Variants in CUX1 observed in about 807,000 individuals in gnomAD.
CUX1 encodes protein CASP.
CUX1 carries 31 observed loss-of-function variants against 158.8 expected under a neutral mutation model. The observed-to-expected ratio is 0.20, with a 90% confidence interval of 0.15 to 0.26. CUX1 has a LOEUF of 0.26. Among genes scored for constraint, CUX1 ranks in the 10% least tolerant of loss-of-function variants. CUX1 has a pLI of 1.00. For synonymous variants in CUX1, 879 were observed against 862.1 expected, an observed-to-expected ratio of 1.02 and a Z score of -0.34; for missense variants, 1,589 against 2,014.6, an observed-to-expected ratio of 0.79 and a Z score of 4.04.
intron 1 of CUX1, among the ~76,000 whole-genome samples, chr7:101,860,761 C>CTTTCT (rs1797364794): frequency 7.1e-6 from 1 of 139,902 alleles, no homozygotes; most frequent in Non-Finnish European, 1.5e-5. Flanking sequence ...TCCTTCCTTC[C>CTTTCT]TTCCTTCCTT....
chr7:101,844,118 A>G (rs1795438913), intron 1 of CUX1, among the ~76,000 whole-genome samples: 1 of 152,176 alleles, frequency 6.6e-6, no homozygotes, highest in South Asian at 2.1e-4. Context: ...TGAATCATTC[A>G]TAAAGAAATC....
At chr7:101,859,179 C>T (rs1017048905) in intron 1 of CUX1, among the ~76,000 whole-genome samples, 6 of 152,160 alleles carry the variant, frequency 3.9e-5, no homozygotes, top group African/African-American at 1.4e-4. Context: ...CCTGCTGAGC[C>T]TGGGGTTGAG....
rs1183007667 is a variant in CUX1 at position 101,861,850 on chromosome 7, C to T, written c.30+44181C>T. Among the ~76,000 whole-genome samples the T allele has an allele frequency of 2.6e-5, 4 of 151,828 alleles. No homozygotes were observed. In the East Asian group the frequency reaches 7.8e-4, roughly 30 times the overall value. ...CACGATCTCGGCTTACTGCAACCTCCACCTCCCGGAGTCTCCCTCTGTGGC... is the reference window on the plus strand; with the variant it reads ...CACGATCTCGGCTTACTGCAACCTCTACCTCCCGGAGTCTCCCTCTGTGGC... On this transcript the variant is annotated intron_variant, in intron 1 of 23. Coordinates refer to ENST00000292535, the MANE Select transcript of CUX1 (RefSeq NM_181552.4).
intron 1 of CUX1, among the ~76,000 whole-genome samples, chr7:101,857,860 C>T (rs562633592): frequency 8.5e-5 from 13 of 152,100 alleles, no homozygotes; most frequent in African/African-American, 1.7e-4. Flanking sequence ...TGGTGGCTCA[C>T]GCCTGTAATC....
At chr7:102,207,601 A>C (rs1554522053) in intron 20 of CUX1, among the ~76,000 whole-genome samples, 3 of 151,998 alleles carry the variant, frequency 2.0e-5, no homozygotes, top group African/African-American at 7.3e-5. Context: ...ACAGGTACCC[A>C]TCACCACGCC....
rs555102141 is a variant in CUX1, at chr7:102,227,461, G to A, written c.3225G>A (p.Gln1075=). ...TGAAGAGCCTGACCGAGCTGGTCCA[G>A]CAGCCCTGTCCCCCCATCGAGGCGA... ...ESVKSLTELV[Q]QPCPPIEASK... The change falls in exon 21 of 24, where the codon CAG becomes CAA. Residue 1075 remains glutamine (Q), a synonymous_variant. Transcript: ENST00000292535. The A allele has an allele frequency of 6.8e-6, 11 of 1,614,084 alleles. No homozygotes were observed. The South Asian group carries it at 8.8e-5, about 13-fold the overall frequency.
intron 8 of CUX1, among the ~76,000 whole-genome samples, chr7:102,151,746 A>C (rs1378358757): frequency 2.7e-5 from 4 of 149,254 alleles, no homozygotes; most frequent in South Asian, 4.2e-4. Context: ...AAAAAAAAAA[A>C]AAAAAAAAAA....
rs564006720 is a variant in CUX1 at position 102,043,795 on chromosome 7, G to A, written c.189+15650G>A. Among the ~76,000 whole-genome samples, 9 of 152,190 alleles carry A rather than the reference G, an allele frequency of 5.9e-5. No homozygotes were observed. The South Asian group carries it at 1.9e-3, about 32-fold the overall frequency. On this transcript the variant is annotated intron_variant, in intron 3 of 23. Transcript: ENST00000292535. The stretch of plus-strand genomic sequence containing the variant: ...CTCCGTACTGTTTCCCATAATGGCT[G>A]TACCAATTTACATTCCCACCAACAG...
intron 6 of CUX1, among the ~76,000 whole-genome samples, chr7:102,106,423 T>C (rs1830368359): frequency 6.6e-6 from 1 of 152,090 alleles, no homozygotes; most frequent in Non-Finnish European, 1.5e-5. Context: ...TCTGTAACAA[T>C]ATCATTGGGT....
At chr7:101,826,854 A>G (rs1046260282) in intron 1 of CUX1, among the ~76,000 whole-genome samples, 1 of 152,152 alleles carries the variant, frequency 6.6e-6, no homozygotes, top group East Asian at 1.9e-4. Flanking sequence ...CCACCACACC[A>G]TCGCCACACA....
intron 1 of CUX1, among the ~76,000 whole-genome samples, chr7:101,863,988 G>A (rs1317817214): frequency 6.6e-6 from 1 of 152,146 alleles, no homozygotes; most frequent in Non-Finnish European, 1.5e-5. Context: ...TGGCTGTGGT[G>A]ACACTGTGTG....
At chr7:101,976,228 C>CATTTT (rs1812654510) in intron 2 of CUX1, among the ~76,000 whole-genome samples, 1 of 152,126 alleles carries the variant, frequency 6.6e-6, no homozygotes. Context: ...TAAACATAAA[C>CATTTT]TATATTTCTG....
At chr7:101,986,525 A>G (rs1439777718) in intron 2 of CUX1, among the ~76,000 whole-genome samples, 2 of 152,166 alleles carry the variant, frequency 1.3e-5, no homozygotes, top group Admixed American at 6.5e-5. Context: ...TAATCTTCCC[A>G]AGGAGGATGA....
intron 4 of CUX1, among the ~76,000 whole-genome samples, chr7:102,073,216 G>A (rs866235309): frequency 3.4e-5 from 4 of 117,284 alleles, no homozygotes; most frequent in Admixed American, 1.2e-4. Flanking sequence ...CTCTGTCAAA[G>A]AGGCTGGAGT....
chr7:102,023,129 C>T (rs865826261), intron 2 of CUX1, among the ~76,000 whole-genome samples: 5 of 152,036 alleles, frequency 3.3e-5, no homozygotes, highest in Admixed American at 6.6e-5. Context: ...GCAGGAGAAT[C>T]GCTTGAACCT....
intron 1 of CUX1, among the ~76,000 whole-genome samples, chr7:101,845,738 C>T (rs564878476): frequency 3.9e-4 from 60 of 152,276 alleles, no homozygotes; most frequent in African/African-American, 6.5e-4. Context: ...AGGATCTGGC[C>T]GAGCACAGAG....
rs139126094 is a variant in CUX1, at chr7:102,115,239, C to T, written c.640C>T (p.Leu214=). Reference sequence around the variant, plus strand: ...AAAAACTCGAACAGAATTATTTGACCTGAAAACCAAATACGATGAAGAAAC... The same window carrying T: ...AAAAACTCGAACAGAATTATTTGACTTGAAAACCAAATACGATGAAGAAAC... The part of the protein sequence containing the change: ...LEKTRTELFD[L]KTKYDEETTA... Residue 214 remains leucine (L), a synonymous_variant, in exon 8 of 24, where the codon CTG becomes TTG. Coordinates refer to ENST00000292535, the MANE Select transcript of CUX1 (RefSeq NM_181552.4). The T allele has an allele frequency of 3.6e-5, 58 of 1,610,214 alleles. No homozygotes were observed. Among genetic ancestry groups the T allele is most frequent in the African/African-American group, 1.3e-5 (1 of 74,674 alleles).
chr7:101,986,935 C>T (rs866339931), intron 2 of CUX1, among the ~76,000 whole-genome samples: 1 of 152,082 alleles, frequency 6.6e-6, no homozygotes. Flanking sequence ...CCCTGGAAGC[C>T]GTGGGGATGT....
chr7:101,923,220 C>T lies in CUX1; in HGVS notation c.141+6995C>T, dbSNP rs969944458. ...CCTGGAGAAACCCCCAGTGCTCCTG[C>T]GACATCGGCCTGGCTTCAGGGCTCT... On this transcript the variant is annotated intron_variant, in intron 2 of 23. Transcript: ENST00000292535. Among the ~76,000 whole-genome samples, 8 of 152,142 alleles carry T rather than the reference C, an allele frequency of 5.3e-5. No individual in the cohort carries two copies. The South Asian group carries it at 6.2e-4, about 12-fold the overall frequency.
Sources: gnomAD v4.1 joint callset for allele counts (sites outside exome capture counted in the v4.1 genomes callset) on GRCh38, gnomAD v4.1.1 for gene constraint, MANE v1.5 for transcripts, NCBI Gene and HGNC (gene_info 2026-07-23, HGNC 2026-07-21) for gene names.